DPY19L1: variants seen among roughly 807,000 people sequenced by gnomAD.
DPY19L1 encodes dpy-19 like C-mannosyltransferase 1.
Under a neutral mutation model 96.9 loss-of-function variants are expected in DPY19L1, and 35 were observed. The observed-to-expected ratio is 0.36, with a 90% CI of 0.28 to 0.48. DPY19L1 has a LOEUF of 0.48. Among genes scored for constraint, DPY19L1 ranks in the 20% least tolerant of loss-of-function variants. DPY19L1 has a pLI of 0.99. For missense variants in DPY19L1, 521 were observed against 777.9 expected (o/e 0.67, Z 3.93); for synonymous variants, 205 against 252.6 (o/e 0.81, Z 1.79).
At chr7:35,000,030 A>G (rs893172561) in intron 6 of DPY19L1, among the ~76,000 whole-genome samples, 5 of 152,192 alleles carry the variant, frequency 3.3e-5, no homozygotes, top group Non-Finnish European at 7.3e-5. Context: ...TAAAAAGTTG[A>G]ATAATGCCAA....
rs143294262 is a variant in DPY19L1, at chr7:34,987,814, G to C, written c.822+2070C>G. ...TCATTACCTAAAACGAAAATATGTTGAGTTCTCACCAATATTTTACCCAAA... is the reference window on the plus strand; with the variant it reads ...TCATTACCTAAAACGAAAATATGTTCAGTTCTCACCAATATTTTACCCAAA... On this transcript the variant is annotated intron_variant, in intron 7 of 21. Transcript: ENST00000638088. Among the ~76,000 whole-genome samples, 14 of 151,960 alleles carry C rather than the reference G, an allele frequency of 9.2e-5. No homozygotes were observed. The East Asian group carries it at 2.7e-3, about 29-fold the overall frequency.
At chr7:35,016,345 A>C (rs941501255) in intron 3 of DPY19L1, among the ~76,000 whole-genome samples, 1 of 152,236 alleles carries the variant, frequency 6.6e-6, no homozygotes, top group Non-Finnish European at 1.5e-5. Flanking sequence ...TATCATAATG[A>C]TACTCCAAAA....
intron 15 of DPY19L1, among the ~76,000 whole-genome samples, chr7:34,947,190 T>C (rs997778525): frequency 6.6e-6 from 1 of 152,232 alleles, no homozygotes; most frequent in African/African-American, 2.4e-5. Flanking sequence ...TTTTATCTAG[T>C]TCATCAACAC....
intron 13 of DPY19L1, among the ~76,000 whole-genome samples, chr7:34,950,291 A>C (rs1184936493): frequency 6.6e-6 from 1 of 152,210 alleles, no homozygotes; most frequent in African/African-American, 2.4e-5. Context: ...GGTAAAGAAA[A>C]AGAAATACGA....
chr7:34,960,520 T>C (rs1784480767), intron 10 of DPY19L1, among the ~76,000 whole-genome samples: 1 of 152,168 alleles, frequency 6.6e-6, no homozygotes, highest in Non-Finnish European at 1.5e-5. Context: ...TAGTAGTTTA[T>C]TTGGATTTCT....
intron 3 of DPY19L1, among the ~76,000 whole-genome samples, chr7:35,017,292 G>C (rs1201076047): frequency 1.3e-5 from 2 of 151,402 alleles, no homozygotes; most frequent in Non-Finnish European, 2.9e-5. Flanking sequence ...AGGAGATCGA[G>C]ACCATCCTGG....
intron 16 of DPY19L1, among the ~76,000 whole-genome samples, chr7:34,944,093 A>G (rs1166911968): frequency 1.3e-5 from 2 of 152,088 alleles, no homozygotes. Flanking sequence ...GGCCAGGCGC[A>G]GTGGCTCATG....
At chr7:34,955,518 A>G (rs1393030202) in intron 11 of DPY19L1, 151 bp from the exon 12 acceptor site, 1 of 1,015,536 alleles carries the variant, frequency 9.8e-7, no homozygotes, top group African/African-American at 1.6e-5. Flanking sequence ...GCTCATTTCT[A>G]GAGTCAGTGA....
intron 6 of DPY19L1, among the ~76,000 whole-genome samples, chr7:35,010,144 C>T (rs531052283): frequency 3.3e-5 from 5 of 151,934 alleles, no homozygotes; most frequent in South Asian, 2.1e-4. Context: ...GTGGGAGGAT[C>T]GCTTGAACCC....
chr7:35,030,212 G>A (rs1222065151), intron 1 of DPY19L1, among the ~76,000 whole-genome samples: 1 of 152,216 alleles, frequency 6.6e-6, no homozygotes, highest in Non-Finnish European at 1.5e-5. Flanking sequence ...ATTATAAAAA[G>A]TAGTAATTAC....
chr7:35,032,218 T>C (rs1196992055), intron 1 of DPY19L1, among the ~76,000 whole-genome samples: 2 of 152,200 alleles, frequency 1.3e-5, no homozygotes, highest in Non-Finnish European at 2.9e-5. Context: ...TTTGCTGTAC[T>C]GTCCCCTTAG....
chr7:34,961,822 T>C (rs1007797443), intron 10 of DPY19L1, among the ~76,000 whole-genome samples: 11 of 152,212 alleles, frequency 7.2e-5, no homozygotes, highest in South Asian at 4.2e-4. Flanking sequence ...AAGATCTTAA[T>C]AGACACTTCA....
chr7:35,023,013 T>C (rs1334757700), intron 1 of DPY19L1, among the ~76,000 whole-genome samples: 2 of 152,152 alleles, frequency 1.3e-5, no homozygotes, highest in South Asian at 2.1e-4. Context: ...CCCAGCTCCC[T>C]GGAAGCCATC....
At chr7:34,971,040 G>A (rs540615702) in intron 8 of DPY19L1, among the ~76,000 whole-genome samples, 36 of 152,204 alleles carry the variant, frequency 2.4e-4, no homozygotes, top group African/African-American at 8.2e-4. Context: ...TTTTGTAACA[G>A]TATCCTCAGC....
rs1783726127 is a variant in DPY19L1 at position 34,930,291 on chromosome 7, A to T, written c.*1282T>A. 6.6e-6 allele frequency: 1 copy of T among 152,364 alleles called. No homozygotes were observed. The highest frequency in any genetic ancestry group is 3.4e-3 in the Middle Eastern group (1 of 294). The allele number at this position is 152,364 out of a possible 1,614,324, so 9.4% of individuals were successfully genotyped here. A position where few individuals can be genotyped will look rare whatever the true frequency, so the allele number is the denominator to read the frequency against. The stretch of plus-strand genomic sequence containing the variant: ...ATCGTTTTGAAGAATCTCATTTCAC[A>T]CAAATTAACTTCTAAGAAACAAAAA... On this transcript the variant is annotated 3_prime_UTR_variant, in exon 22 of 22. Transcript: ENST00000638088.
intron 1 of DPY19L1, among the ~76,000 whole-genome samples, chr7:35,018,950 A>G (rs757345362): frequency 2.0e-5 from 3 of 152,168 alleles, no homozygotes; most frequent in African/African-American, 4.8e-5. Context: ...TGAGGGGTAC[A>G]GGATTGGGGG....
chr7:35,030,990 C>G (rs987810098), intron 1 of DPY19L1, among the ~76,000 whole-genome samples: 10 of 152,144 alleles, frequency 6.6e-5, no homozygotes, highest in African/African-American at 2.4e-4. Context: ...CAGCCTCTTC[C>G]CCTGGAAGAG....
At chr7:34,950,755 G>T (rs183791433) in intron 13 of DPY19L1, among the ~76,000 whole-genome samples, 66 of 152,198 alleles carry the variant, frequency 4.3e-4, no homozygotes, top group African/African-American at 1.5e-3. Context: ...AAATCAATAG[G>T]AAGAATATAC....
chr7:34,968,754 G>A (rs1163224296), intron 9 of DPY19L1, among the ~76,000 whole-genome samples: 2 of 79,052 alleles, frequency 2.5e-5, no homozygotes, highest in African/African-American at 9.7e-5. Flanking sequence ...GGGCGACAGA[G>A]AAAGACTCCA....
Sources: allele counts gnomAD v4.1 joint callset (sites outside exome capture counted in the v4.1 genomes callset), GRCh38; gene constraint gnomAD v4.1.1; transcripts MANE v1.5; gene names NCBI Gene and HGNC (gene_info 2026-07-23, HGNC 2026-07-21).